LOC728743: variants seen among roughly 807,000 people sequenced by gnomAD.
chr7:150,409,275 A>G, the LOC728743 span, among the ~76,000 whole-genome samples: 1 of 152,014 alleles, frequency 6.6e-6, no homozygotes, highest in African/African-American at 2.4e-5. Flanking sequence ...TCTCAGACTT[A>G]TGCTTTAGGA....
At chr7:150,408,466 C>G in the LOC728743 span, 3 of 329,050 alleles carry the variant, frequency 9.1e-6, no homozygotes, top group African/African-American at 4.3e-5. Flanking sequence ...TTCTCCTTCT[C>G]TGGCCCATCC....
chr7:150,409,887 G>A, the LOC728743 span, among the ~76,000 whole-genome samples: 1 of 152,192 alleles, frequency 6.6e-6, no homozygotes, highest in African/African-American at 2.4e-5. Context: ...CCCAGGTGCT[G>A]TAGACTAGCA....
chr7:150,405,451 G>GGGAGTGGGAGCGCCGGGACTTGAA, the LOC728743 span: 1 of 152,172 alleles, frequency 6.6e-6, no homozygotes, highest in South Asian at 2.1e-4. Context: ...GGTCCTTTCC[G>GGGAGTGGGAGCGCCGGGACTTGAA]GGAGTGGGAG....
the LOC728743 span, among the ~76,000 whole-genome samples, chr7:150,403,566 C>T: frequency 2.0e-5 from 3 of 152,174 alleles, no homozygotes; most frequent in Admixed American, 2.0e-4. This position sits in a 1 kb window ranked among gnomAD's most constrained non-coding sequence, Gnocchi z 5.1. Context: ...GAAAGCTGGG[C>T]AGTGTTGATG....
chr7:150,409,843 A>G, the LOC728743 span, among the ~76,000 whole-genome samples: 3 of 152,062 alleles, frequency 2.0e-5, no homozygotes, highest in Non-Finnish European at 4.4e-5. Flanking sequence ...CTATGTGGCT[A>G]TGGCTCCTCG....
the LOC728743 span, chr7:150,400,719 A>G: frequency 2.0e-5 from 3 of 152,238 alleles, 1 homozygote; most frequent in African/African-American, 7.2e-5. Context: ...AGCCTTCTGC[A>G]AGGATGGGGT....
the LOC728743 span, chr7:150,404,457 CTG>C: frequency 2.0e-5 from 3 of 152,194 alleles, no homozygotes; most frequent in African/African-American, 2.4e-5. Context: ...GGAAGCCACT[CTG>C]TGTTTCAATT....
the LOC728743 span, among the ~76,000 whole-genome samples, chr7:150,403,661 TGG>T: frequency 6.6e-6 from 1 of 152,210 alleles, no homozygotes; most frequent in South Asian, 2.1e-4. The surrounding 1 kb of genome is among the most constrained non-coding windows in gnomAD (Gnocchi z 5.1). Context: ...ATCTGTCCTA[TGG>T]ACTAGTTTCT....
At chr7:150,409,271 ACTTATG>A in the LOC728743 span, among the ~76,000 whole-genome samples, 1 of 152,014 alleles carries the variant, frequency 6.6e-6, no homozygotes, top group Non-Finnish European at 1.5e-5. Context: ...ATGATCTCAG[ACTTATG>A]CTTTAGGAGG....
chr7:150,402,828 G>A, the LOC728743 span, among the ~76,000 whole-genome samples: 9 of 152,176 alleles, frequency 5.9e-5, no homozygotes, highest in African/African-American at 1.2e-4. Flanking sequence ...CCCATGGGGT[G>A]ATCTGTTTGT....
chr7:150,403,012 G>A, the LOC728743 span, among the ~76,000 whole-genome samples: 1 of 152,174 alleles, frequency 6.6e-6, no homozygotes, highest in African/African-American at 2.4e-5. This position sits in a 1 kb window ranked among gnomAD's most constrained non-coding sequence, Gnocchi z 5.1. Flanking sequence ...CCTTTGTTAG[G>A]GTCCAGAGTC....
the LOC728743 span, among the ~76,000 whole-genome samples, chr7:150,402,545 C>T: frequency 6.6e-6 from 1 of 152,208 alleles, no homozygotes; most frequent in East Asian, 1.9e-4. Context: ...ATGCTGGACA[C>T]GTGGGACAAA....
chr7:150,404,660 T>A, the LOC728743 span: 1 of 152,274 alleles, frequency 6.6e-6, no homozygotes, highest in Non-Finnish European at 1.5e-5. Context: ...CGCCCGCTGC[T>A]ACTCCAGACG....
chr7:150,404,077 C>T, the LOC728743 span, among the ~76,000 whole-genome samples: 4 of 152,350 alleles, frequency 2.6e-5, no homozygotes, highest in East Asian at 5.8e-4. Flanking sequence ...AGGCACAGCG[C>T]CACCCCAACC....
At chr7:150,406,452 G>C in the LOC728743 span, among the ~76,000 whole-genome samples, 1 of 152,148 alleles carries the variant, frequency 6.6e-6, no homozygotes, top group Non-Finnish European at 1.5e-5. Flanking sequence ...GGGTGTGTGT[G>C]TGTTTTGAGG....
At chr7:150,406,795 A>G in the LOC728743 span, among the ~76,000 whole-genome samples, 1 of 152,182 alleles carries the variant, frequency 6.6e-6, no homozygotes, top group Non-Finnish European at 1.5e-5. Flanking sequence ...CTTTGCTGTG[A>G]GGATACCAAG....
chr7:150,411,279 G>A, the LOC728743 span: 146,877 of 152,444 alleles, frequency 0.96, 70,988 homozygotes, highest in East Asian at 1. Flanking sequence ...GTTCCTCCCA[G>A]CTGGCCAAGT....
chr7:150,407,044 T>C, the LOC728743 span, among the ~76,000 whole-genome samples: 3 of 152,082 alleles, frequency 2.0e-5, no homozygotes, highest in African/African-American at 7.2e-5. Context: ...CTTCCCTACC[T>C]CCCCCTGTCC....
chr7:150,407,486 G>A, the LOC728743 span: 4 of 397,540 alleles, frequency 1.0e-5, no homozygotes, highest in African/African-American at 6.2e-5. Context: ...GGTTGTGGGA[G>A]GTGAGTGTCC....
Sources: allele counts gnomAD v4.1 joint callset (sites outside exome capture counted in the v4.1 genomes callset), GRCh38; gene constraint gnomAD v4.1.1; non-coding constraint Gnocchi (gnomAD v3.1); transcripts MANE v1.5.